The following ALDOB variants were observed in gnomAD, a reference collection of about 807,000 sequenced individuals.
ALDOB encodes fructose-bisphosphate aldolase B.
A neutral mutation model predicts 41.0 loss-of-function variants in ALDOB; 39 were observed. The ratio of observed to expected loss-of-function variants is 0.95; its 90% confidence interval spans 0.74 to 1.24. The LOEUF is 1.24. ALDOB is among the 50% of genes most tolerant of loss of function. ALDOB has a pLI of 0.00. For missense variants in ALDOB, 530 were observed against 457.3 expected (o/e 1.16, Z -1.45); for synonymous variants, 175 against 168.8 (o/e 1.04, Z -0.28).
intron 1 of ALDOB, among the ~76,000 whole-genome samples, chr9:101,431,329 G>T (rs947554650): frequency 2.6e-5 from 4 of 152,176 alleles, no homozygotes; most frequent in African/African-American, 9.7e-5. Flanking sequence ...CCTCTGCTTT[G>T]CTCTGTTAGT....
Position 101,422,253 on chromosome 9 carries a change from A to G in ALDOB, c.1000-349T>C, listed in dbSNP as rs143979524. Among the ~76,000 whole-genome samples the G allele has an allele frequency of 3.3e-3, 505 of 152,320 alleles. 6 individuals are homozygous for G. The highest frequency in any genetic ancestry group is 0.027 in the Middle Eastern group (8 of 294). On this transcript the variant is annotated intron_variant, in intron 8 of 8. Transcript: ENST00000647789. ...AGAAAAACATGTTTATTTTAAAAAC[A>G]TTTCCATTTTCTACCTATATTGGTC...
intron 1 of ALDOB, among the ~76,000 whole-genome samples, chr9:101,434,592 G>A (rs1831264962): frequency 6.6e-6 from 1 of 152,206 alleles, no homozygotes; most frequent in African/African-American, 2.4e-5. Flanking sequence ...TGTACATGAT[G>A]CTTAAAGCTG....
rs1831055564 is a variant in ALDOB at position 101,422,017 on chromosome 9, T to C, written c.1000-113A>G. The C allele has an allele frequency of 4.7e-5, 41 of 866,590 alleles. 1 individual carries two copies. In the South Asian group the frequency reaches 5.5e-4, roughly 12 times the overall value. 53.7% of individuals were successfully genotyped at this position (866,590 alleles called of 1,614,324 possible). A position where few individuals can be genotyped will look rare whatever the true frequency, so the allele number is the denominator to read the frequency against. Reference sequence around the variant, plus strand: ...ACCTTCACTCAGATTTTCTTCTTTTTACAGCAATGTTGCTGAATATTGCTG... The same window carrying C: ...ACCTTCACTCAGATTTTCTTCTTTTCACAGCAATGTTGCTGAATATTGCTG... On this transcript the variant is annotated intron_variant, in intron 8 of 8. Coordinates refer to ENST00000647789, the MANE Select transcript of ALDOB (RefSeq NM_000035.4).
rs552865615 is a variant in ALDOB, at chr9:101,421,664, T to C, written c.*145A>G. The C allele has an allele frequency of 3.4e-4, 252 of 737,890 alleles. 4 individuals are homozygous for C. The South Asian group carries it at 3.6e-3, about 11-fold the overall frequency. 45.7% of individuals were successfully genotyped at this position (737,890 alleles called of 1,614,324 possible). ...ATGTTTCAATAACTGATTTATTTTT[T>C]CCCCCTTGTACTTAAGATTTAACAT... On this transcript the variant is annotated 3_prime_UTR_variant, in exon 9 of 9. Transcript: ENST00000647789.
At position 101,428,487 on chromosome 9, in the gene ALDOB, T is replaced by C; in HGVS notation, c.361A>G (p.Lys121Glu). 1 of 1,613,832 alleles carries C rather than the reference T, an allele frequency of 6.2e-7. No individual in the cohort carries two copies. Among genetic ancestry groups the C allele is most frequent in the Non-Finnish European group, 8.5e-7 (1 of 1,179,700 alleles). Reference sequence around the variant, plus strand: ...TCCTTACCTTGAATGGTGGTTTCTTTGTTTGTTCCTGCAAGAGGAGCACCT... The same window carrying C: ...TCCTTACCTTGAATGGTGGTTTCTTCGTTTGTTCCTGCAAGAGGAGCACCT... ...QGGAPLAGTNKETTIQGLDGL... is the reference protein window; with the variant it reads ...QGGAPLAGTNEETTIQGLDGL... Residue 121 changes from lysine (K) to glutamate (E), a missense_variant, in exon 4 of 9, where the codon AAA becomes GAA. Lys to Glu is a moderately conservative substitution (Grantham distance 56). Coordinates refer to ENST00000647789, the MANE Select transcript of ALDOB (RefSeq NM_000035.4).
At chr9:101,431,491 G>C (rs763208780) in intron 1 of ALDOB, among the ~76,000 whole-genome samples, 1 of 152,144 alleles carries the variant, frequency 6.6e-6, no homozygotes. Flanking sequence ...AAACCACTTG[G>C]GGCAGACCAG....
At chr9:101,431,789 G>T (rs1427345358) in intron 1 of ALDOB, among the ~76,000 whole-genome samples, 1 of 152,148 alleles carries the variant, frequency 6.6e-6, no homozygotes, top group Non-Finnish European at 1.5e-5. Flanking sequence ...AGAAAAAATG[G>T]TAATGAAGAT....
At position 101,424,060 on chromosome 9, in the gene ALDOB, C is replaced by G. The variant is rs552660055; in HGVS notation, c.999+783G>C. Reference sequence around the variant, plus strand: ...CACTGGTATGCTCCTAAATGCCAATCTCAGGGTCTTTTCTTGGCCTTTCTT... The same window carrying G: ...CACTGGTATGCTCCTAAATGCCAATGTCAGGGTCTTTTCTTGGCCTTTCTT... On this transcript the variant is annotated intron_variant, in intron 8 of 8. Transcript: ENST00000647789. 1.1e-3 allele frequency among the ~76,000 whole-genome samples: 175 copies of G among 152,252 alleles called. 4 individuals are homozygous for G. The Middle Eastern group carries it at 0.014, about 12-fold the overall frequency.
intron 1 of ALDOB, among the ~76,000 whole-genome samples, chr9:101,435,232 CAAAG>C (rs1831274121): frequency 6.6e-6 from 1 of 152,032 alleles, no homozygotes; most frequent in African/African-American, 2.4e-5. Context: ...GTTTCTGTGA[CAAAG>C]AAACTTCAGT....
chr9:101,434,125 G>A (rs140478142), intron 1 of ALDOB, among the ~76,000 whole-genome samples: 7 of 152,140 alleles, frequency 4.6e-5, no homozygotes, highest in Admixed American at 1.3e-4. Context: ...TGTGTAACAA[G>A]TAATATGTAT....
chr9:101,427,881 T>G (rs1440680154), intron 4 of ALDOB, among the ~76,000 whole-genome samples: 1 of 152,202 alleles, frequency 6.6e-6, no homozygotes. Context: ...AAACCAATAG[T>G]TAATATGATA....
chr9:101,427,778 A>G (rs558095661), intron 4 of ALDOB, 136 bp from the exon 5 acceptor site: 158 of 978,522 alleles, frequency 1.6e-4, no homozygotes, highest in Non-Finnish European at 2.2e-4. Context: ...AGCCAAGCAT[A>G]TCAGCATTAA....
At chr9:101,424,026 A>C (rs368191165) in intron 8 of ALDOB, among the ~76,000 whole-genome samples, 1 of 152,186 alleles carries the variant, frequency 6.6e-6, no homozygotes, top group East Asian at 1.9e-4. Flanking sequence ...AAACTGTTTC[A>C]GTGAGGGTCA....
intron 7 of ALDOB, 68 bp downstream of exon 7, chr9:101,425,385 C>CTG (rs1831110659): frequency 1.0e-5 from 16 of 1,576,658 alleles, no homozygotes; most frequent in Non-Finnish European, 1.3e-5. Context: ...TCTGGACAAA[C>CTG]AGAAAGCTTG....
chr9:101,433,664 C>A (rs1475811591), intron 1 of ALDOB, among the ~76,000 whole-genome samples: 1 of 152,114 alleles, frequency 6.6e-6, no homozygotes, highest in East Asian at 1.9e-4. Flanking sequence ...ATGATATATA[C>A]CCATACTGTT....
At chr9:101,428,894 C>T (rs1438831354) in intron 3 of ALDOB, among the ~76,000 whole-genome samples, 1 of 152,168 alleles carries the variant, frequency 6.6e-6, no homozygotes, top group African/African-American at 2.4e-5. Context: ...CTTCGTAGTT[C>T]AGTTTTCTCA....
Position 101,426,562 on chromosome 9 carries a change from G to A in ALDOB, c.617C>T (p.Thr206Ile). ...DHDLEHCQYV[T>I]EKVLAAVYKA... Reference sequence around the variant, plus strand: ...TTCATATTTAAAACTTACCTTCTCAGTAACATACTGGCAGTGTTCCAGGTC... The same window carrying A: ...TTCATATTTAAAACTTACCTTCTCAATAACATACTGGCAGTGTTCCAGGTC... Residue 206 changes from threonine to isoleucine, a missense_variant, in exon 6 of 9, where the codon ACT (threonine) becomes ATT (isoleucine). Transcript: ENST00000647789. 2 of 1,608,366 alleles carry A rather than the reference G, an allele frequency of 1.2e-6. No individual in the cohort carries two copies. The highest frequency in any genetic ancestry group is 1.7e-6 in the Non-Finnish European group (2 of 1,174,850).
intron 3 of ALDOB, 45 bp from the exon 4 acceptor site, chr9:101,428,568 C>A: frequency 6.8e-7 from 1 of 1,480,710 alleles, no homozygotes; most frequent in Non-Finnish European, 9.5e-7. Flanking sequence ...CAGGAAAACA[C>A]AAGCAGAACT....
rs1055615924 is a variant in ALDOB, at chr9:101,425,558, T to C, written c.694A>G (p.Asn232Asp). Reference sequence around the variant, plus strand: ...CAGGCATGTCCAGCAGTCACCATGTTGGGCTTTAGCAGGGTGCCCTCCAGG... The same window carrying C: ...CAGGCATGTCCAGCAGTCACCATGTCGGGCTTTAGCAGGGTGCCCTCCAGG... Reference protein sequence around the residue: ...VYLEGTLLKPNMVTAGHACTK... With the variant: ...VYLEGTLLKPDMVTAGHACTK... The change falls in exon 7 of 9, where the codon AAC (asparagine) becomes GAC (aspartate). Residue 232 changes from asparagine to aspartate, a missense_variant. Coordinates refer to ENST00000647789, the MANE Select transcript of ALDOB (RefSeq NM_000035.4). 1.2e-6 allele frequency: 2 copies of C among 1,614,174 alleles called. No individual in the cohort carries two copies. Among genetic ancestry groups the C allele is most frequent in the African/African-American group, 1.3e-5 (1 of 75,044 alleles).
Sources: gnomAD v4.1 joint callset for allele counts (sites outside exome capture counted in the v4.1 genomes callset) on GRCh38, gnomAD v4.1.1 for gene constraint, MANE v1.5 for transcripts, NCBI Gene and HGNC (gene_info 2026-07-23, HGNC 2026-07-21) for gene names.